Variants in UBXN11 observed in about 807,000 individuals in gnomAD.
UBXN11 encodes UBX domain protein 11, also known as UBX domain-containing protein 11.
A neutral mutation model predicts 62.8 loss-of-function variants in UBXN11; 47 were observed. That is an observed-to-expected ratio of 0.75 (90% CI 0.59 to 0.95). The LOEUF is 0.95. Ranked by LOEUF, UBXN11 falls within the 40% of genes least tolerant of loss-of-function variation. The pLI is 0.00. For missense variants in UBXN11, 638 were observed against 661.7 expected (o/e 0.96, Z 0.39); for synonymous variants, 294 against 267.0 (o/e 1.10, Z -0.99).
chr1:26,285,499 G>A lies in UBXN11; in HGVS notation c.817C>T (p.Leu273Phe), dbSNP rs2073107666. 1 of 1,602,950 alleles carries A rather than the reference G, an allele frequency of 6.2e-7. No homozygotes were observed. The highest frequency in any genetic ancestry group is 1.3e-5 in the African/African-American group (1 of 74,642). Residue 273 changes from leucine (L) to phenylalanine (F), a missense_variant, in exon 10 of 15, where the codon CTC (leucine) becomes TTC (phenylalanine). Leu to Phe is a conservative substitution (Grantham distance 22, BLOSUM62 0). Transcript: ENST00000374222. The stretch of plus-strand genomic sequence containing the variant: ...ACCCCATTGGGGTACAGTCGCTGGA[G>A]CTCTGAGGGAAAGAAGCCATCCAAT... Reference protein sequence around the residue: ...DILDGFFPSELQRLYPNGVPF... With the variant: ...DILDGFFPSEFQRLYPNGVPF...
chr1:26,297,781 G>A (rs1168154624), intron 5 of UBXN11, among the ~76,000 whole-genome samples, 181 bp downstream of exon 5: 1 of 152,198 alleles, frequency 6.6e-6, no homozygotes, highest in African/African-American at 2.4e-5. Flanking sequence ...AGACCCCCCA[G>A]CCTCTCGGCT....
chr1:26,284,914 A>T lies in UBXN11; in HGVS notation c.853-432T>A, dbSNP rs140733222. The stretch of plus-strand genomic sequence containing the variant: ...ATGCCTTAAACACCCCCGCGTCATG[A>T]CTCATGCTGTTTCCTGAGCCCTGGT... On this transcript the variant is annotated intron_variant, in intron 10 of 14. Coordinates refer to ENST00000374222, the MANE Select transcript of UBXN11 (RefSeq NM_001389556.1). The T allele has an allele frequency of 1.9e-5, 19 of 1,003,218 alleles. No individual in the cohort carries two copies. The East Asian group carries it at 2.1e-3, about 108-fold the overall frequency. 62.1% of individuals were successfully genotyped at this position (1,003,218 alleles called of 1,614,324 possible).
In UBXN11 at chr1:26,282,891, G is replaced by A. The variant is rs747331978; in HGVS notation, c.1124C>T (p.Thr375Met). ...CTCTCGCTCAGCGGCCAAGGTGGGC[G>A]TCTCCACCACAATCTCCTGGATCCG... ...PARIQEIVVETPTLAAERERS... is the reference protein window; with the variant it reads ...PARIQEIVVEMPTLAAERERS... Residue 375 changes from threonine (T) to methionine (M), a missense_variant, in exon 13 of 15, where the codon ACG (threonine) becomes ATG (methionine). Thr to Met is a moderately conservative substitution (Grantham distance 81). Coordinates refer to ENST00000374222, the MANE Select transcript of UBXN11 (RefSeq NM_001389556.1). 44 of 1,614,042 alleles carry A rather than the reference G, an allele frequency of 2.7e-5. No homozygotes were observed. Among genetic ancestry groups the A allele is most frequent in the African/African-American group, 2.0e-4 (15 of 74,906 alleles).
At position 26,285,805 on chromosome 1, in the gene UBXN11, C is replaced by A; in HGVS notation, c.774+18G>T. 6.3e-7 allele frequency: 1 copy of A among 1,581,228 alleles called. No homozygotes were observed. The highest frequency in any genetic ancestry group is 1.3e-5 in the African/African-American group (1 of 74,556). Reference sequence around the variant, plus strand: ...AGCAGGGGCACTAGAGCACCACCCCCCCCAACACCGCTCCTACCTGTGTGG... The same window carrying A: ...AGCAGGGGCACTAGAGCACCACCCCACCCAACACCGCTCCTACCTGTGTGG... On this transcript the variant is annotated intron_variant, in intron 9 of 14. Coordinates refer to ENST00000374222, the MANE Select transcript of UBXN11 (RefSeq NM_001389556.1).
At chr1:26,290,847 G>A (rs6686100) in intron 8 of UBXN11, among the ~76,000 whole-genome samples, 1 of 151,448 alleles carries the variant, frequency 6.6e-6, no homozygotes, top group Admixed American at 6.6e-5. Flanking sequence ...TGCAGAGGGT[G>A]GGGGGGAAGG....
intron 12 of UBXN11, among the ~76,000 whole-genome samples, chr1:26,283,719 G>A (rs989082556): frequency 6.6e-5 from 10 of 152,202 alleles, no homozygotes; most frequent in Non-Finnish European, 1.3e-4. Context: ...GGAGGCAGAG[G>A]AGGCCTGAGA....
chr1:26,309,259 T>TTTTTTTTA (rs2073715117), upstream of UBXN11, among the ~76,000 whole-genome samples: 9 of 141,326 alleles, frequency 6.4e-5, no homozygotes, highest in African/African-American at 8.0e-5. Context: ...TTTTTTTTTT[T>TTTTTTTTA]GAGACAGAGT....
chr1:26,286,928 ACCTCAGGTGAT>A (rs1252957075), intron 8 of UBXN11, among the ~76,000 whole-genome samples: 1 of 151,610 alleles, frequency 6.6e-6, no homozygotes. Context: ...CGAACTCCTG[ACCTCAGGTGAT>A]CCGCCCGCCT....
At chr1:26,308,620 G>T (rs1438624302), upstream of UBXN11, among the ~76,000 whole-genome samples, 1 of 152,180 alleles carries the variant, frequency 6.6e-6, no homozygotes, top group African/African-American at 2.4e-5. Flanking sequence ...AGATCATGTC[G>T]GGGCCAAGTG....
intron 8 of UBXN11, among the ~76,000 whole-genome samples, chr1:26,289,444 G>A (rs143005272): frequency 1.7e-4 from 26 of 152,026 alleles, no homozygotes; most frequent in African/African-American, 4.3e-4. Context: ...GTCACAGGCC[G>A]CTGCTTTCTG....
rs1281126179 is a variant in UBXN11, at chr1:26,302,866, G to A, written c.18C>T (p.Ala6=). The A allele has an allele frequency of 1.9e-6, 3 of 1,613,884 alleles. No homozygotes were observed. The highest frequency in any genetic ancestry group is 1.7e-5 in the Admixed American group (1 of 59,992). Residue 6 remains alanine (A), a synonymous_variant, in exon 2 of 15, where the codon GCC becomes GCT. Transcript: ENST00000374222. ...GCACTTTTCGGGTCTTGCTAAGGGAGGCCAAAGGTGAGCTCATAGTTCTAC... is the reference window on the plus strand; with the variant it reads ...GCACTTTTCGGGTCTTGCTAAGGGAAGCCAAAGGTGAGCTCATAGTTCTAC... MSSPL[A]SLSKTRKVPL...
chr1:26,304,481 G>A (rs1019797254), intron 1 of UBXN11, among the ~76,000 whole-genome samples: 4 of 152,146 alleles, frequency 2.6e-5, no homozygotes, highest in African/African-American at 4.8e-5. Context: ...GGCCAGGCAC[G>A]GTGGCTTACA....
At chr1:26,304,762 T>A (rs2073622853) in intron 1 of UBXN11, among the ~76,000 whole-genome samples, 1 of 151,744 alleles carries the variant, frequency 6.6e-6, no homozygotes, top group African/African-American at 2.4e-5. Flanking sequence ...CAAAAAAAAA[T>A]TCATAATTCC....
chr1:26,287,584 T>C (rs2124638775), intron 8 of UBXN11, among the ~76,000 whole-genome samples: 1 of 152,120 alleles, frequency 6.6e-6, no homozygotes, highest in South Asian at 2.1e-4. Flanking sequence ...GTCAGGGCTC[T>C]GGGGACCTAA....
At chr1:26,299,994 C>CA (rs1308210893) in intron 4 of UBXN11, among the ~76,000 whole-genome samples, 2 of 147,094 alleles carry the variant, frequency 1.4e-5, no homozygotes, top group Non-Finnish European at 3.0e-5. Context: ...AACCCTGTCT[C>CA]AAAAAAAATA....
chr1:26,288,132 A>T (rs1378041270), intron 8 of UBXN11, among the ~76,000 whole-genome samples: 2 of 152,092 alleles, frequency 1.3e-5, no homozygotes, highest in African/African-American at 4.8e-5. Flanking sequence ...TGTCTTCTTT[A>T]TAGATGGGGA....
chr1:26,286,035 C>A lies in UBXN11; in HGVS notation c.562G>T (p.Asp188Tyr). 1.3e-6 allele frequency: 2 copies of A among 1,599,492 alleles called. No individual in the cohort carries two copies. Among genetic ancestry groups the A allele is most frequent in the Non-Finnish European group, 1.7e-6 (2 of 1,169,916 alleles). The stretch of plus-strand genomic sequence containing the variant: ...TCCACCTCAGGGGGCGCCAATGAGT[C>A]CCCTGGCAAAGAGGACAGACACCTG... ...MTAKKFWKPG[D>Y]SLAPPEVDFD... The change falls in exon 9 of 15, where the codon GAC (aspartate) becomes TAC (tyrosine). Residue 188 changes from aspartate (D) to tyrosine (Y), a missense_variant and splice_region_variant. Coordinates refer to ENST00000374222, the MANE Select transcript of UBXN11 (RefSeq NM_001389556.1).
chr1:26,304,889 C>G (rs910256034), intron 1 of UBXN11, among the ~76,000 whole-genome samples: 12 of 151,012 alleles, frequency 7.9e-5, no homozygotes, highest in Non-Finnish European at 1.2e-4. Context: ...GTGTATCCCC[C>G]CTGCCTCAAC....
intron 8 of UBXN11, among the ~76,000 whole-genome samples, chr1:26,291,671 G>A (rs1032742889): frequency 2.8e-4 from 42 of 152,320 alleles, no homozygotes; most frequent in African/African-American, 8.9e-4. Context: ...GGCCCAGGGT[G>A]CGGCACTTGT....
Sources: allele counts gnomAD v4.1 joint callset (sites outside exome capture counted in the v4.1 genomes callset), GRCh38; gene constraint gnomAD v4.1.1; transcripts MANE v1.5; gene names NCBI Gene and HGNC (gene_info 2026-07-23, HGNC 2026-07-21).